APOLD1: variants seen among roughly 807,000 people sequenced by gnomAD.
APOLD1 encodes the protein apolipoprotein L domain-containing protein 1.
A neutral mutation model predicts 15.3 loss-of-function variants in APOLD1; 22 were observed. That is an observed-to-expected ratio of 1.44 (90% CI 1.03 to 2.05). The LOEUF (loss-of-function observed/expected upper bound fraction) is 2.05. Among genes scored for constraint, APOLD1 ranks in the 30% most tolerant of loss-of-function variants. The pLI, the probability that APOLD1 is intolerant of heterozygous loss-of-function variation, is 0.00. For missense variants in APOLD1, 394 were observed against 353.5 expected (o/e 1.11, Z -0.92); for synonymous variants, 190 against 167.4 (o/e 1.13, Z -1.04).
intron 1 of APOLD1, among the ~76,000 whole-genome samples, chr12:12,767,660 CA>C (rs1946952032): frequency 6.6e-6 from 1 of 151,916 alleles, no homozygotes; most frequent in Non-Finnish European, 1.5e-5. Context: ...TGTCTCAAAA[CA>C]AAACAAAAAC....
intron 1 of APOLD1, among the ~76,000 whole-genome samples, chr12:12,730,718 T>G (rs1053752518): frequency 5.4e-5 from 8 of 149,504 alleles, no homozygotes; most frequent in East Asian, 1.9e-4. Flanking sequence ...AAAAAAGTTT[T>G]TTTTTTTTTT....
intron 1 of APOLD1, among the ~76,000 whole-genome samples, chr12:12,746,334 T>G (rs11055037): frequency 0.022 from 3,376 of 151,926 alleles, 134 homozygotes; most frequent in African/African-American, 0.076. Flanking sequence ...TGTCTCTACA[T>G]AAAATACAAA....
intron 1 of APOLD1, among the ~76,000 whole-genome samples, chr12:12,737,656 A>C (rs1242726768): frequency 6.6e-6 from 1 of 152,074 alleles, no homozygotes; most frequent in East Asian, 1.9e-4. Context: ...CACTCAAGAG[A>C]GAGTACTGAT....
At chr12:12,785,587 T>C, upstream of APOLD1, 1 of 1,609,442 alleles carries the variant, frequency 6.2e-7, no homozygotes, top group Non-Finnish European at 8.5e-7. Flanking sequence ...ATTCTCAGAA[T>C]GAGACAAGGC....
intron 1 of APOLD1, among the ~76,000 whole-genome samples, chr12:12,752,594 A>G (rs1485117702): frequency 6.6e-6 from 1 of 152,166 alleles, no homozygotes; most frequent in Non-Finnish European, 1.5e-5. Flanking sequence ...CCCAATTTCT[A>G]TAAGTAGTGG....
chr12:12,737,808 C>G (rs774291580), intron 1 of APOLD1, among the ~76,000 whole-genome samples: 2 of 152,082 alleles, frequency 1.3e-5, no homozygotes, highest in Admixed American at 1.3e-4. Context: ...TTTGTTCAAC[C>G]GTGGGAATGT....
intron 1 of APOLD1, 108 bp from the exon 2 acceptor site, chr12:12,786,801 G>T: frequency 7.6e-7 from 1 of 1,308,332 alleles, no homozygotes. Context: ...CGTGGCAGTG[G>T]CTGCTCCGCT....
At position 12,748,265 on chromosome 12, in the gene APOLD1, C is replaced by T. The variant is rs1024503022; in HGVS notation, c.96+22169C>T. Among the ~76,000 whole-genome samples the T allele has an allele frequency of 2.6e-5, 4 of 152,274 alleles. No individual in the cohort carries two copies. In the East Asian group the frequency reaches 7.7e-4, roughly 29 times the overall value. ...GAGATTGGCTTCCAATGTGTTAGCA[C>T]GAGGTAATGTAAACAAACAGTCCAA... is the stretch of plus-strand genomic sequence containing the variant. On this transcript the variant is annotated intron_variant, in intron 1 of 1. Transcript: ENST00000326765.
intron 1 of APOLD1, among the ~76,000 whole-genome samples, chr12:12,772,703 A>G (rs1946998776): frequency 1.3e-5 from 2 of 152,214 alleles, no homozygotes; most frequent in Admixed American, 6.5e-5. Flanking sequence ...AAAGTCATAT[A>G]AAACATTTAC....
At chr12:12,729,227 C>T (rs924541371) in intron 1 of APOLD1, among the ~76,000 whole-genome samples, 2 of 147,110 alleles carry the variant, frequency 1.4e-5, no homozygotes, top group Non-Finnish European at 3.0e-5. Flanking sequence ...ATAATTCTGT[C>T]GGCATTAAAA....
intron 1 of APOLD1, chr12:12,726,456 G>T: frequency 3.3e-6 from 1 of 299,244 alleles, no homozygotes. Context: ...CAGGTCTAAT[G>T]GAAATGACAT....
At chr12:12,752,000 G>A (rs1483002262) in intron 1 of APOLD1, among the ~76,000 whole-genome samples, 1 of 152,140 alleles carries the variant, frequency 6.6e-6, no homozygotes, top group Admixed American at 6.6e-5. Flanking sequence ...TCCCCTCAGA[G>A]GCTTCAGAAG....
chr12:12,732,456 A>T (rs1395964848), intron 1 of APOLD1, among the ~76,000 whole-genome samples: 1 of 152,164 alleles, frequency 6.6e-6, no homozygotes, highest in Non-Finnish European at 1.5e-5. Context: ...TGTTATGGAA[A>T]CTTTACACCT....
intron 1 of APOLD1, among the ~76,000 whole-genome samples, chr12:12,743,828 C>T (rs565823642): frequency 1.3e-5 from 2 of 152,158 alleles, no homozygotes; most frequent in Non-Finnish European, 1.5e-5. Context: ...GAGGGCTTAG[C>T]TTGCTGTTGC....
chr12:12,778,624 A>T (rs1947056499), intron 1 of APOLD1, among the ~76,000 whole-genome samples: 2 of 151,866 alleles, frequency 1.3e-5, no homozygotes, highest in African/African-American at 2.4e-5. Context: ...CAGTGTGCCT[A>T]GCTCCTACCC....
chr12:12,768,957 G>A (rs909341792), intron 1 of APOLD1, among the ~76,000 whole-genome samples: 3 of 151,984 alleles, frequency 2.0e-5, no homozygotes, highest in African/African-American at 4.8e-5. Flanking sequence ...GCTGGGCACC[G>A]TAGCTCATGC....
intron 1 of APOLD1, among the ~76,000 whole-genome samples, chr12:12,737,872 G>A (rs756434288): frequency 2.0e-5 from 3 of 152,126 alleles, no homozygotes; most frequent in Admixed American, 6.5e-5. Flanking sequence ...ATGGAGGGTC[G>A]TTATCTAGGG....
chr12:12,742,347 A>G (rs1174654940), intron 1 of APOLD1, among the ~76,000 whole-genome samples: 1 of 152,354 alleles, frequency 6.6e-6, no homozygotes, highest in East Asian at 1.9e-4. Flanking sequence ...TGTCCATGGT[A>G]AGAAAAGCAC....
intron 1 of APOLD1, among the ~76,000 whole-genome samples, chr12:12,763,835 TC>T (rs1417919868): frequency 6.6e-6 from 1 of 152,206 alleles, no homozygotes; most frequent in Non-Finnish European, 1.5e-5. Context: ...TGTTATACTA[TC>T]TTTTTAAGTT....
Sources: allele counts gnomAD v4.1 joint callset (sites outside exome capture counted in the v4.1 genomes callset), GRCh38; gene constraint gnomAD v4.1.1; transcripts MANE v1.5; gene names NCBI Gene and HGNC (gene_info 2026-07-23, HGNC 2026-07-21).